Variants in ITGA9 observed in about 807,000 individuals in gnomAD.
ITGA9 encodes integrin alpha-9.
Under a neutral mutation model 127.8 loss-of-function variants are expected in ITGA9, and 56 were observed. The observed-to-expected ratio is 0.44, with a 90% confidence interval of 0.35 to 0.55. ITGA9 has a LOEUF of 0.55. Among genes scored for constraint, ITGA9 ranks in the 20% least tolerant of loss-of-function variants. The probability of loss-of-function intolerance (pLI) is 0.00; values close to 1 mark genes in which losing one functional copy is unlikely to be tolerated. For missense variants in ITGA9, 1,196 were observed against 1,347.1 expected (o/e 0.89, Z 1.76); for synonymous variants, 508 against 514.5 (o/e 0.99, Z 0.17).
Position 37,565,956 on chromosome 3 carries a change from A to G in ITGA9, c.1689+23371A>G, listed in dbSNP as rs112795859. Among the ~76,000 whole-genome samples, 279 of 152,300 alleles carry G rather than the reference A, an allele frequency of 1.8e-3. 2 individuals are homozygous for G. Among genetic ancestry groups the G allele is most frequent in the African/African-American group, 6.3e-3 (260 of 41,558 alleles). ...TAGTATGATAGTTCTTATAGATGAT[A>G]AAGACCTCAGAAAAATCTCACTATG... On this transcript the variant is annotated intron_variant, in intron 15 of 27. Coordinates refer to ENST00000264741, the MANE Select transcript of ITGA9 (RefSeq NM_002207.3).
rs780628743 is a variant in ITGA9 at position 37,519,007 on chromosome 3, A to G, written c.1142-253A>G. The stretch of plus-strand genomic sequence containing the variant: ...ACTATGTTGGCCAGGCTGGTCTTAA[A>G]CTCTTGACCTCAGGCGACCTGCCCG... On this transcript the variant is annotated intron_variant, in intron 10 of 27. Transcript: ENST00000264741. Among the ~76,000 whole-genome samples the G allele has an allele frequency of 7.0e-4, 104 of 148,634 alleles. 1 individual carries two copies. Among genetic ancestry groups the G allele is most frequent in the Non-Finnish European group, 1.3e-3 (89 of 67,340 alleles).
chr3:37,496,181 A>G (rs1228939901), intron 5 of ITGA9, among the ~76,000 whole-genome samples: 1 of 152,246 alleles, frequency 6.6e-6, no homozygotes, highest in Non-Finnish European at 1.5e-5. Context: ...TGTCTGATCC[A>G]GAAAGCAAGA....
chr3:37,481,652 C>A (rs759513893), intron 4 of ITGA9, 45 bp downstream of exon 4: 2 of 1,612,950 alleles, frequency 1.2e-6, no homozygotes, highest in East Asian at 2.2e-5. Context: ...CCACCTCATG[C>A]CCTAAGCCCG....
chr3:37,802,620 C>T (rs1175446867), intron 26 of ITGA9, among the ~76,000 whole-genome samples: 6 of 152,204 alleles, frequency 3.9e-5, no homozygotes, highest in East Asian at 3.9e-4. Context: ...TAGCAGAAGA[C>T]GCAATAGATG....
At chr3:37,508,389 G>T (rs79802037) in intron 7 of ITGA9, among the ~76,000 whole-genome samples, 170 bp from the exon 8 acceptor site, 1 of 151,842 alleles carries the variant, frequency 6.6e-6, no homozygotes, top group Non-Finnish European at 1.5e-5. Flanking sequence ...CCTTTTTTTT[G>T]CAGGGCTGGT....
intron 23 of ITGA9, among the ~76,000 whole-genome samples, chr3:37,766,991 T>C (rs1575228389): frequency 1.3e-5 from 2 of 152,332 alleles, no homozygotes; most frequent in East Asian, 3.9e-4. Flanking sequence ...TGTCTTTCTC[T>C]GATTACATGT....
intron 15 of ITGA9, among the ~76,000 whole-genome samples, chr3:37,553,078 G>A (rs922017201): frequency 6.6e-6 from 1 of 151,454 alleles, no homozygotes. Context: ...CATTAGGATA[G>A]CACAAAGAAA....
chr3:37,522,249 A>G (rs560271110), intron 11 of ITGA9, among the ~76,000 whole-genome samples: 2 of 152,142 alleles, frequency 1.3e-5, no homozygotes, highest in Non-Finnish European at 2.9e-5. Context: ...CCATGCAGAT[A>G]AAGGCAGAAG....
chr3:37,639,976 C>T (rs1382130670), intron 16 of ITGA9, among the ~76,000 whole-genome samples: 1 of 152,194 alleles, frequency 6.6e-6, no homozygotes, highest in East Asian at 1.9e-4. Context: ...GCCCTGTCTT[C>T]AATCCCTGTA....
At chr3:37,514,731 G>A (rs1035205802) in intron 9 of ITGA9, among the ~76,000 whole-genome samples, 79 of 152,232 alleles carry the variant, frequency 5.2e-4, no homozygotes, top group Admixed American at 2.1e-3. Context: ...CACCACACCC[G>A]GCTAATTTTT....
chr3:37,481,455 C>T, intron 3 of ITGA9, 29 bp from the exon 4 acceptor site: 1 of 1,614,130 alleles, frequency 6.2e-7, no homozygotes. Flanking sequence ...GCCAACTTTC[C>T]TGCTCTCAAC....
intron 15 of ITGA9, among the ~76,000 whole-genome samples, chr3:37,621,540 C>T (rs1469918448): frequency 2.0e-5 from 3 of 152,206 alleles, no homozygotes; most frequent in African/African-American, 7.2e-5. Flanking sequence ...GATCCAGTTC[C>T]TACAGCCACA....
In ITGA9 at chr3:37,653,716, T is replaced by C. The variant is rs761562895; in HGVS notation, c.1842T>C (p.Thr614=). The part of the protein sequence containing the change: ...KGQKIAQKNQ[T]VFERNCRSED... ...TTCCTCTCCTGTCTTTCTCACAGAC[T>C]GTTTTTGAAAGGAATTGCCGTTCAG... Residue 614 remains threonine (T), a splice_region_variant and synonymous_variant, in exon 17 of 28, where the codon ACT becomes ACC. Coordinates refer to ENST00000264741, the MANE Select transcript of ITGA9 (RefSeq NM_002207.3). 1.2e-6 allele frequency: 2 copies of C among 1,612,672 alleles called. No homozygotes were observed. The highest frequency in any genetic ancestry group is 1.3e-5 in the African/African-American group (1 of 74,850).
intron 15 of ITGA9, among the ~76,000 whole-genome samples, chr3:37,596,967 T>A (rs533016447): frequency 2.4e-4 from 36 of 152,210 alleles, no homozygotes; most frequent in African/African-American, 8.2e-4. Context: ...GTGTGGCTTC[T>A]CCTCCCCTCC....
chr3:37,502,782 G>A (rs1385340612), intron 5 of ITGA9, among the ~76,000 whole-genome samples: 3 of 152,186 alleles, frequency 2.0e-5, no homozygotes, highest in Admixed American at 2.0e-4. Flanking sequence ...TGGAGTCCAG[G>A]CAGGGTGCGG....
intron 4 of ITGA9, among the ~76,000 whole-genome samples, chr3:37,486,531 A>G (rs1698611858): frequency 6.6e-6 from 1 of 152,190 alleles, no homozygotes; most frequent in Admixed American, 6.5e-5. Flanking sequence ...TAGAAAATGT[A>G]AATTTTCTAA....
intron 27 of ITGA9, among the ~76,000 whole-genome samples, chr3:37,809,088 C>CTTTT (rs1208683122): frequency 3.7e-5 from 5 of 133,482 alleles, no homozygotes; most frequent in African/African-American, 5.6e-5. Flanking sequence ...AAAATCTTTT[C>CTTTT]TTTTTTTTTT....
At chr3:37,769,742 G>A (rs1005441208) in intron 23 of ITGA9, among the ~76,000 whole-genome samples, 11 of 152,072 alleles carry the variant, frequency 7.2e-5, no homozygotes, top group African/African-American at 2.4e-4. Flanking sequence ...TATCCTTTGC[G>A]ATCTACCTGC....
chr3:37,793,389 AACACAC>A (rs10575371), intron 26 of ITGA9, among the ~76,000 whole-genome samples: 15,574 of 134,360 alleles, frequency 0.12, 983 homozygotes, highest in Non-Finnish European at 0.14. Context: ...CAAACAGGTC[AACACAC>A]ACACACACAC....
Sources: allele counts gnomAD v4.1 joint callset (sites outside exome capture counted in the v4.1 genomes callset), GRCh38; gene constraint gnomAD v4.1.1; transcripts MANE v1.5; gene names NCBI Gene and HGNC (gene_info 2026-07-23, HGNC 2026-07-21).